The following DLC1 variants were observed in gnomAD, a reference collection of about 807,000 sequenced individuals.
DLC1 encodes the protein DLC1 Rho GTPase activating protein, also known as rho GTPase-activating protein 7.
Under a neutral mutation model 140.3 loss-of-function variants are expected in DLC1, and 54 were observed. That is an observed-to-expected ratio of 0.38 (90% CI 0.31 to 0.48). The LOEUF is 0.48. Ranked by LOEUF, DLC1 falls within the 20% of genes least tolerant of loss-of-function variation. DLC1 has a pLI of 0.96. For missense variants in DLC1, 2,536 were observed against 1,907.0 expected (o/e 1.33, Z -6.14); for synonymous variants, 986 against 728.1 (o/e 1.35, Z -5.70).
intron 2 of DLC1, among the ~76,000 whole-genome samples, chr8:13,407,474 G>A (rs1316231229): frequency 2.0e-5 from 3 of 152,134 alleles, no homozygotes; most frequent in South Asian, 2.1e-4. Context: ...TTGCAGACTG[G>A]AGAAATATAA....
chr8:13,253,007 A>G (rs1830077906), intron 5 of DLC1, among the ~76,000 whole-genome samples: 1 of 152,214 alleles, frequency 6.6e-6, no homozygotes, highest in Admixed American at 6.5e-5. Context: ...AAGCTAGAAT[A>G]GGTTCACAAA....
At chr8:13,163,852 C>A (rs12677288) in intron 5 of DLC1, among the ~76,000 whole-genome samples, 2 of 151,724 alleles carry the variant, frequency 1.3e-5, no homozygotes, top group Non-Finnish European at 2.9e-5. Flanking sequence ...CAGAATAACC[C>A]CAAAATTAGC....
At chr8:13,322,750 G>A (rs911646518) in intron 4 of DLC1, among the ~76,000 whole-genome samples, 1 of 152,134 alleles carries the variant, frequency 6.6e-6, no homozygotes, top group African/African-American at 2.4e-5. Flanking sequence ...TTACTGCATG[G>A]GGATGGCAAT....
chr8:13,491,134 T>A (rs892410130), intron 2 of DLC1, among the ~76,000 whole-genome samples: 3 of 149,042 alleles, frequency 2.0e-5, no homozygotes, highest in African/African-American at 4.9e-5. Flanking sequence ...AATATTTTTT[T>A]ATATATATAT....
intron 2 of DLC1, among the ~76,000 whole-genome samples, chr8:13,456,836 TTA>T (rs1227290654): frequency 6.6e-6 from 1 of 152,188 alleles, no homozygotes; most frequent in Admixed American, 6.5e-5. Flanking sequence ...TACCATTGAC[TTA>T]GCTGTGATTA....
intron 7 of DLC1, among the ~76,000 whole-genome samples, chr8:13,105,229 A>G (rs1487894565): frequency 1.3e-5 from 2 of 152,204 alleles, no homozygotes; most frequent in Non-Finnish European, 2.9e-5. Flanking sequence ...GCACCCAGCT[A>G]ATGGCATTAC....
chr8:13,467,422 G>A (rs1799987680), intron 2 of DLC1, among the ~76,000 whole-genome samples: 1 of 149,972 alleles, frequency 6.7e-6, no homozygotes, highest in Admixed American at 6.7e-5. Context: ...AATTTGTTAG[G>A]TTAAGGTAGT....
intron 1 of DLC1, among the ~76,000 whole-genome samples, chr8:13,573,053 A>T (rs1275235985): frequency 6.6e-6 from 1 of 152,150 alleles, no homozygotes; most frequent in Admixed American, 6.5e-5. Context: ...ATCTGTATAT[A>T]TCTTTGGGTA....
At chr8:13,130,953 G>T (rs928589432) in intron 5 of DLC1, among the ~76,000 whole-genome samples, 1 of 152,188 alleles carries the variant, frequency 6.6e-6, no homozygotes, top group Non-Finnish European at 1.5e-5. Flanking sequence ...ATGCATCTGC[G>T]CTCAGGCCAC....
chr8:13,275,183 C>A (rs910039890), intron 5 of DLC1, among the ~76,000 whole-genome samples: 1 of 152,176 alleles, frequency 6.6e-6, no homozygotes, highest in African/African-American at 2.4e-5. Flanking sequence ...GCATTCAGAA[C>A]AAATTAGAGT....
At chr8:13,382,464 C>T (rs1029528698) in intron 4 of DLC1, among the ~76,000 whole-genome samples, 9 of 122,838 alleles carry the variant, frequency 7.3e-5, no homozygotes, top group Admixed American at 4.0e-4. Context: ...GCCGAGATTG[C>T]GCCACTGCAC....
At chr8:13,195,188 C>CA (rs781606797) in intron 5 of DLC1, among the ~76,000 whole-genome samples, 28 of 152,334 alleles carry the variant, frequency 1.8e-4, no homozygotes, top group Non-Finnish European at 3.7e-4. Flanking sequence ...GCTAGAATCT[C>CA]AAAGCCTTTG....
chr8:13,581,791 T>C (rs1805108120), intron 1 of DLC1, among the ~76,000 whole-genome samples: 1 of 152,214 alleles, frequency 6.6e-6, no homozygotes, highest in South Asian at 2.1e-4. Context: ...TCCTCCGTGA[T>C]TTGTCCTCTG....
intron 1 of DLC1, among the ~76,000 whole-genome samples, chr8:13,569,004 T>G (rs1804551430): frequency 6.6e-6 from 1 of 152,192 alleles, no homozygotes; most frequent in East Asian, 1.9e-4. Flanking sequence ...CTTAAACAAA[T>G]TATCTAGATA....
chr8:13,512,271 G>T (rs575293639), intron 1 of DLC1, among the ~76,000 whole-genome samples: 1 of 151,936 alleles, frequency 6.6e-6, no homozygotes, highest in East Asian at 1.9e-4. Context: ...TTCTCTCTAA[G>T]GAAATGGCAG....
intron 1 of DLC1, among the ~76,000 whole-genome samples, chr8:13,576,892 G>A (rs761792103): frequency 1.3e-5 from 2 of 152,172 alleles, no homozygotes; most frequent in South Asian, 2.1e-4. Flanking sequence ...GGCCAAGCGT[G>A]GCTGTTGAAA....
At chr8:13,305,642 G>A (rs1386377063) in intron 4 of DLC1, among the ~76,000 whole-genome samples, 2 of 152,154 alleles carry the variant, frequency 1.3e-5, no homozygotes, top group Non-Finnish European at 2.9e-5. Context: ...TTTGAGACCA[G>A]CCAGGACAAC....
intron 2 of DLC1, among the ~76,000 whole-genome samples, chr8:13,481,009 A>G (rs914946110): frequency 6.6e-6 from 1 of 152,232 alleles, no homozygotes; most frequent in South Asian, 2.1e-4. Flanking sequence ...AGTTAAGAAA[A>G]TGTAGCAGTA....
In DLC1 at chr8:13,363,400, G is replaced by C. The variant is rs1408518233; in HGVS notation, c.1314+30153C>G. Among the ~76,000 whole-genome samples, 3 of 146,662 alleles carry C rather than the reference G, an allele frequency of 2.0e-5. No homozygotes were observed. The East Asian group carries it at 6.0e-4, about 30-fold the overall frequency. On this transcript the variant is annotated intron_variant, in intron 4 of 17. Coordinates refer to ENST00000276297, the MANE Select transcript of DLC1 (RefSeq NM_182643.3). ...TTTTTTTTTTTTTAAACTTTATGGTGTCCATCAGAACCTAGCATTATGCCT... is the reference window on the plus strand; with the variant it reads ...TTTTTTTTTTTTTAAACTTTATGGTCTCCATCAGAACCTAGCATTATGCCT...
Sources: allele counts gnomAD v4.1 joint callset (sites outside exome capture counted in the v4.1 genomes callset), GRCh38; gene constraint gnomAD v4.1.1; transcripts MANE v1.5; gene names NCBI Gene and HGNC (gene_info 2026-07-23, HGNC 2026-07-21).